The following IFT57 variants were observed in gnomAD, a reference collection of about 807,000 sequenced individuals.
IFT57 encodes intraflagellar transport protein 57 homolog.
A neutral mutation model predicts 56.8 loss-of-function variants in IFT57; 59 were observed. The observed-to-expected ratio is 1.04, with a 90% CI of 0.84 to 1.29. IFT57 has a LOEUF of 1.29. IFT57 is among the 50% of genes most tolerant of loss of function. The pLI is 0.00. For missense variants in IFT57, 470 were observed against 522.1 expected (o/e 0.90, Z 0.97); for synonymous variants, 209 against 186.1 (o/e 1.12, Z -1.00).
chr3:108,183,426 G>T (rs1445324173), intron 6 of IFT57, among the ~76,000 whole-genome samples: 1 of 152,056 alleles, frequency 6.6e-6, no homozygotes, highest in Admixed American at 6.6e-5. Context: ...AATGACTGCT[G>T]GCTTCCCCAC....
intron 5 of IFT57, among the ~76,000 whole-genome samples, chr3:108,192,326 G>C (rs905647201): frequency 4.0e-5 from 6 of 151,060 alleles, no homozygotes; most frequent in African/African-American, 1.2e-4. Context: ...TAATTTATTA[G>C]GTCAAATTAC....
intron 6 of IFT57, among the ~76,000 whole-genome samples, chr3:108,175,819 T>A (rs2080120895): frequency 6.6e-6 from 1 of 151,312 alleles, no homozygotes; most frequent in South Asian, 2.1e-4. Context: ...AAAAAAAGTT[T>A]GACTTTGCGA....
At chr3:108,172,290 CT>C (rs2080097896) in intron 6 of IFT57, among the ~76,000 whole-genome samples, 1 of 151,728 alleles carries the variant, frequency 6.6e-6, no homozygotes, top group South Asian at 2.1e-4. Context: ...CAGCCAACAG[CT>C]GTCTAGCATG....
intron 6 of IFT57, among the ~76,000 whole-genome samples, chr3:108,178,291 T>C (rs1044122316): frequency 2.0e-5 from 3 of 151,842 alleles, no homozygotes; most frequent in East Asian, 3.9e-4. Context: ...CAAACTTAGA[T>C]GGATTGCAAA....
At chr3:108,163,027 G>T (rs980761156) in intron 10 of IFT57, among the ~76,000 whole-genome samples, 1 of 151,888 alleles carries the variant, frequency 6.6e-6, no homozygotes, top group African/African-American at 2.4e-5. Context: ...TAGATAATGG[G>T]CCCACTTAAA....
chr3:108,166,255 G>A (rs1276847726), intron 8 of IFT57, among the ~76,000 whole-genome samples: 2 of 152,024 alleles, frequency 1.3e-5, no homozygotes, highest in African/African-American at 4.8e-5. Context: ...AAAATAGGGG[G>A]CACAAATCCC....
intron 7 of IFT57, among the ~76,000 whole-genome samples, 168 bp downstream of exon 7, chr3:108,167,625 T>G (rs1329657578): frequency 2.0e-5 from 3 of 151,088 alleles, no homozygotes; most frequent in Non-Finnish European, 4.4e-5. Context: ...AAGTTAGCTT[T>G]CTTTAGTTGG....
chr3:108,170,530 C>T (rs933397972), intron 6 of IFT57, among the ~76,000 whole-genome samples: 4 of 151,984 alleles, frequency 2.6e-5, no homozygotes, highest in Non-Finnish European at 4.4e-5. Context: ...ACATTCCATG[C>T]TCATGGATAG....
chr3:108,220,573 C>CA (rs1213057954), intron 1 of IFT57, among the ~76,000 whole-genome samples: 1 of 152,138 alleles, frequency 6.6e-6, no homozygotes, highest in Non-Finnish European at 1.5e-5. Context: ...AGCACCCACC[C>CA]ACCAAAAAGT....
chr3:108,203,873 CAG>C (rs1326860313), intron 5 of IFT57, among the ~76,000 whole-genome samples: 5 of 152,220 alleles, frequency 3.3e-5, no homozygotes, highest in Admixed American at 2.0e-4. Flanking sequence ...AAACCATAGA[CAG>C]GGAGAAAATG....
chr3:108,217,727 T>TA (rs58306903), intron 3 of IFT57, among the ~76,000 whole-genome samples: 13,512 of 145,364 alleles, frequency 0.093, 664 homozygotes, highest in Middle Eastern at 0.11. Context: ...TAGTTCTAAT[T>TA]AAAAAAAAAA....
At chr3:108,186,166 A>G (rs1241210458) in intron 6 of IFT57, among the ~76,000 whole-genome samples, 4 of 152,178 alleles carry the variant, frequency 2.6e-5, no homozygotes, top group Non-Finnish European at 5.9e-5. Flanking sequence ...GATTATATCA[A>G]TGAAGATACC....
At chr3:108,220,727 T>A (rs1240165689) in intron 1 of IFT57, among the ~76,000 whole-genome samples, 2 of 152,052 alleles carry the variant, frequency 1.3e-5, no homozygotes, top group Admixed American at 1.3e-4. Flanking sequence ...CTAGGCCCCA[T>A]CCCTATAATT....
At chr3:108,176,144 T>A (rs2080122910) in intron 6 of IFT57, among the ~76,000 whole-genome samples, 1 of 151,884 alleles carries the variant, frequency 6.6e-6, no homozygotes, top group African/African-American at 2.4e-5. Flanking sequence ...TAATTACCGG[T>A]GAAACCTTAA....
chr3:108,208,877 A>G (rs546901258), intron 4 of IFT57, among the ~76,000 whole-genome samples: 1 of 152,296 alleles, frequency 6.6e-6, no homozygotes, highest in Non-Finnish European at 1.5e-5. Flanking sequence ...AGTATTCTAA[A>G]ATACAGGAGA....
At chr3:108,173,455 A>T (rs185651897) in intron 6 of IFT57, among the ~76,000 whole-genome samples, 11 of 151,848 alleles carry the variant, frequency 7.2e-5, no homozygotes, top group African/African-American at 2.4e-4. Flanking sequence ...TACACCCATC[A>T]TAAGCTAAAA....
chr3:108,163,764 T>C (rs1353646936), intron 9 of IFT57, 35 bp from the exon 10 acceptor site: 3 of 1,306,750 alleles, frequency 2.3e-6, no homozygotes, highest in Non-Finnish European at 3.3e-6. Context: ...AGCATTACAT[T>C]TTAATAAACT....
At chr3:108,176,550 A>T (rs73200374) in intron 6 of IFT57, among the ~76,000 whole-genome samples, 21,498 of 151,850 alleles carry the variant, frequency 0.14, 1,991 homozygotes, top group Middle Eastern at 0.22. Flanking sequence ...AATGTTTATT[A>T]TCCTGGTCGT....
chr3:108,222,098 C>T lies in IFT57; in HGVS notation c.212+13G>A, dbSNP rs2080409366. ...TAGCAGGCACCCGGGCGCTCGGGGA[C>T]GCCGGCACCCACCTGGACGGGGCCT... On this transcript the variant is annotated intron_variant, in intron 1 of 10. Coordinates refer to ENST00000264538, the MANE Select transcript of IFT57 (RefSeq NM_018010.4). 1 of 1,580,212 alleles carries T rather than the reference C, an allele frequency of 6.3e-7. No homozygotes were observed. Among genetic ancestry groups the T allele is most frequent in the South Asian group, 1.1e-5 (1 of 87,446 alleles).
Sources: allele counts gnomAD v4.1 joint callset (sites outside exome capture counted in the v4.1 genomes callset), GRCh38; gene constraint gnomAD v4.1.1; transcripts MANE v1.5; gene names NCBI Gene and HGNC (gene_info 2026-07-23, HGNC 2026-07-21).